The following ATP11B variants were observed in gnomAD, a reference collection of about 807,000 sequenced individuals.
ATP11B encodes ATPase phospholipid transporting 11B (putative).
ATP11B carries 81 observed loss-of-function variants against 157.8 expected under a neutral mutation model. That is an observed-to-expected ratio of 0.51 (90% CI 0.43 to 0.62). ATP11B has a LOEUF of 0.62. Ranked by LOEUF, ATP11B falls within the 20% of genes least tolerant of loss-of-function variation. The probability of loss-of-function intolerance (pLI) is 0.00; values close to 1 mark genes in which losing one functional copy is unlikely to be tolerated. For synonymous variants in ATP11B, 451 were observed against 469.4 expected (o/e 0.96, Z 0.51); for missense variants, 1,165 against 1,402.2 (o/e 0.83, Z 2.70).
intron 23 of ATP11B, among the ~76,000 whole-genome samples, chr3:182,887,359 T>C (rs939129137): frequency 5.3e-5 from 8 of 152,204 alleles, no homozygotes; most frequent in African/African-American, 1.9e-4. Context: ...CAGAAGCACC[T>C]GATATAGCAA....
chr3:182,891,276 G>T (rs887723032), intron 25 of ATP11B, among the ~76,000 whole-genome samples: 7 of 152,214 alleles, frequency 4.6e-5, no homozygotes, highest in African/African-American at 9.6e-5. Context: ...GGATGTTAAA[G>T]ATCTTGTATT....
At chr3:182,839,702 C>T (rs1019434338) in intron 7 of ATP11B, among the ~76,000 whole-genome samples, 8 of 151,998 alleles carry the variant, frequency 5.3e-5, no homozygotes, top group African/African-American at 1.9e-4. Context: ...CCCCGGACTC[C>T]CGGGTTCAAG....
chr3:182,807,117 C>G (rs1716372809), intron 1 of ATP11B, among the ~76,000 whole-genome samples: 1 of 152,024 alleles, frequency 6.6e-6, no homozygotes, highest in South Asian at 2.1e-4. Flanking sequence ...TTCCCAAAGC[C>G]AATAGCCAAT....
chr3:182,850,170 C>G (rs112454435), intron 10 of ATP11B, among the ~76,000 whole-genome samples: 1 of 152,072 alleles, frequency 6.6e-6, no homozygotes, highest in Non-Finnish European at 1.5e-5. Flanking sequence ...CTATCTTTCA[C>G]CATATAAATA....
chr3:182,839,524 G>T (rs1298456088), intron 7 of ATP11B, among the ~76,000 whole-genome samples: 1 of 152,050 alleles, frequency 6.6e-6, no homozygotes, highest in Non-Finnish European at 1.5e-5. Flanking sequence ...TGGAGGAATT[G>T]TAGATCAAAA....
chr3:182,914,097 CCAACTGA>C, intron 29 of ATP11B, 103 bp downstream of exon 29: 1 of 1,542,984 alleles, frequency 6.5e-7, no homozygotes. Context: ...GCTGGTTTTA[CCAACTGA>C]AGCAGGAAGT....
chr3:182,898,496 T>G, intron 27 of ATP11B, 111 bp from the exon 28 acceptor site: 1 of 731,986 alleles, frequency 1.4e-6, no homozygotes, highest in Non-Finnish European at 2.0e-6. Flanking sequence ...ATTTCAGTTT[T>G]GAACATTTTC....
At chr3:182,812,715 T>C (rs1716746202) in intron 1 of ATP11B, among the ~76,000 whole-genome samples, 1 of 152,212 alleles carries the variant, frequency 6.6e-6, no homozygotes, top group Admixed American at 6.5e-5. Context: ...AAAAATTGTG[T>C]GAAATATACA....
At position 182,842,087 on chromosome 3, in the gene ATP11B, A is replaced by C; in HGVS notation, c.669A>C (p.Arg223=). The C allele has an allele frequency of 6.2e-7, 1 of 1,604,922 alleles. No individual in the cohort carries two copies. The highest frequency in any genetic ancestry group is 8.5e-7 in the Non-Finnish European group (1 of 1,172,556). The change falls in exon 8 of 30, where the codon CGA becomes CGC. Residue 223 remains arginine, a synonymous_variant. Coordinates refer to ENST00000323116, the MANE Select transcript of ATP11B (RefSeq NM_014616.3). ...PEADLYRFMG[R]MIITQQMEEI... Reference sequence around the variant, plus strand: ...AATTTTTTGATAGATTCATGGGACGAATGATCATAACCCAACAAATGGAAG... The same window carrying C: ...AATTTTTTGATAGATTCATGGGACGCATGATCATAACCCAACAAATGGAAG...
Position 182,859,323 on chromosome 3 carries a change from A to G in ATP11B, c.1164A>G (p.Gln388=). ...ATGAAGAATCAGATCAGAAAGCTCA[A>G]GTCAATACTTCCGATCTGAATGAAG... ...LYHEESDQKA[Q]VNTSDLNEEL... The change falls in exon 12 of 30, where the codon CAA becomes CAG. Residue 388 remains glutamine (Q), a synonymous_variant. Coordinates refer to ENST00000323116, the MANE Select transcript of ATP11B (RefSeq NM_014616.3). 6.2e-7 allele frequency: 1 copy of G among 1,609,142 alleles called. No individual in the cohort carries two copies. Among genetic ancestry groups the G allele is most frequent in the South Asian group, 1.1e-5 (1 of 90,176 alleles).
chr3:182,822,941 C>T (rs1440001912), intron 2 of ATP11B, among the ~76,000 whole-genome samples: 3 of 152,174 alleles, frequency 2.0e-5, no homozygotes, highest in Non-Finnish European at 4.4e-5. Flanking sequence ...TGTTGATATC[C>T]TTTGCCCATG....
chr3:182,887,807 G>A, intron 24 of ATP11B, 94 bp downstream of exon 24: 1 of 1,302,324 alleles, frequency 7.7e-7, no homozygotes, highest in Non-Finnish European at 1.1e-6. Flanking sequence ...GCTTTACTAA[G>A]GAAAGTTCTT....
At chr3:182,793,987 CCGCCGAGGCTGG>C (rs948287383) in intron 1 of ATP11B, among the ~76,000 whole-genome samples, 91 of 152,068 alleles carry the variant, frequency 6.0e-4, no homozygotes, top group Admixed American at 9.2e-4. Flanking sequence ...CAAGCCCGGG[CCGCCGAGGCTGG>C]CGCCGAGCGG....
intron 7 of ATP11B, among the ~76,000 whole-genome samples, chr3:182,837,911 C>A (rs895270948): frequency 6.6e-6 from 1 of 152,006 alleles, no homozygotes; most frequent in Admixed American, 6.6e-5. Flanking sequence ...GGAATGGAAA[C>A]AACTTTTTAT....
At chr3:182,909,324 C>CA (rs1207644374) in intron 28 of ATP11B, among the ~76,000 whole-genome samples, 2 of 152,212 alleles carry the variant, frequency 1.3e-5, no homozygotes, top group Admixed American at 1.3e-4. Context: ...TTTTGCTTGA[C>CA]AGCCTTTCTA....
chr3:182,890,727 A>G (rs1723117636), intron 25 of ATP11B, among the ~76,000 whole-genome samples: 1 of 152,208 alleles, frequency 6.6e-6, no homozygotes, highest in Admixed American at 6.5e-5. Context: ...TTGTTTCTCT[A>G]TGCCTGGTAC....
At chr3:182,882,393 C>G (rs1227974952) in intron 21 of ATP11B, among the ~76,000 whole-genome samples, 1 of 151,276 alleles carries the variant, frequency 6.6e-6, no homozygotes, top group Non-Finnish European at 1.5e-5. Flanking sequence ...AGACCAGTGA[C>G]TAGAATACAT....
chr3:182,816,531 T>G (rs1484440173), intron 1 of ATP11B, among the ~76,000 whole-genome samples: 2 of 152,268 alleles, frequency 1.3e-5, no homozygotes, highest in Admixed American at 6.5e-5. Context: ...GAAACTATGC[T>G]TGAACTTCAT....
chr3:182,854,472 AAAAACAAAAC>A (rs145673205), intron 10 of ATP11B, among the ~76,000 whole-genome samples: 68 of 150,944 alleles, frequency 4.5e-4, no homozygotes, highest in South Asian at 4.4e-3. Context: ...CTCCATCTAA[AAAAACAAAAC>A]AAAACAAAAC....
Sources: allele counts gnomAD v4.1 joint callset (sites outside exome capture counted in the v4.1 genomes callset), GRCh38; gene constraint gnomAD v4.1.1; transcripts MANE v1.5; gene names NCBI Gene and HGNC (gene_info 2026-07-23, HGNC 2026-07-21).